MBNL1: variants seen among roughly 807,000 people sequenced by gnomAD.
The protein encoded by MBNL1 is muscleblind-like protein 1.
In MBNL1, 8 loss-of-function variants were observed where a neutral mutation model predicts 42.2. The observed-to-expected ratio is 0.19, with a 90% CI of 0.11 to 0.34. The LOEUF is 0.34. Ranked by LOEUF, MBNL1 falls within the 10% of genes least tolerant of loss-of-function variation. The pLI is 1.00. For missense variants in MBNL1, 309 were observed against 495.3 expected (o/e 0.62, Z 3.57); for synonymous variants, 169 against 173.9 (o/e 0.97, Z 0.22).
intron 2 of MBNL1, among the ~76,000 whole-genome samples, chr3:152,403,996 G>A (rs1464921558): frequency 6.6e-6 from 1 of 152,212 alleles, no homozygotes; most frequent in East Asian, 1.9e-4. Flanking sequence ...CAGCAGTGGT[G>A]AGAACCTTTA....
intron 1 of MBNL1, among the ~76,000 whole-genome samples, chr3:152,276,809 GT>G (rs2045497029): frequency 6.6e-6 from 1 of 152,134 alleles, no homozygotes; most frequent in South Asian, 2.1e-4. Flanking sequence ...CAGGAGTTGT[GT>G]TTTGGTGACA....
chr3:152,454,952 A>G (rs1730691198), intron 6 of MBNL1, among the ~76,000 whole-genome samples: 1 of 152,204 alleles, frequency 6.6e-6, no homozygotes, highest in African/African-American at 2.4e-5. Context: ...CCCTCCAAAT[A>G]CAAATCCTGT....
intron 2 of MBNL1, among the ~76,000 whole-genome samples, chr3:152,311,961 C>T (rs957770578): frequency 3.3e-5 from 5 of 151,346 alleles, no homozygotes; most frequent in Non-Finnish European, 7.4e-5. Context: ...GAGGCCGAGG[C>T]GGGCGGATCA....
At chr3:152,460,030 G>T (rs956102827) in intron 9 of MBNL1, among the ~76,000 whole-genome samples, 4 of 152,006 alleles carry the variant, frequency 2.6e-5, no homozygotes, top group African/African-American at 9.7e-5. Flanking sequence ...AAGGTGGGTG[G>T]ATTGCTTGAG....
intron 1 of MBNL1, among the ~76,000 whole-genome samples, chr3:152,297,109 C>T (rs532038815): frequency 2.0e-5 from 3 of 152,202 alleles, no homozygotes; most frequent in Admixed American, 2.0e-4. Flanking sequence ...ATGTGAGGCA[C>T]TTGAAGATTC....
chr3:152,355,060 T>C (rs1323918413), intron 2 of MBNL1, among the ~76,000 whole-genome samples: 1 of 152,200 alleles, frequency 6.6e-6, no homozygotes, highest in African/African-American at 2.4e-5. Context: ...CCTCCAGAGC[T>C]TGGCATTTTT....
rs1321822743 is a variant in MBNL1 at position 152,465,237 on chromosome 3, A to G, written c.*2871A>G. 1.3e-5 allele frequency: 2 copies of G among 152,232 alleles called. No individual in the cohort carries two copies. Among genetic ancestry groups the G allele is most frequent in the African/African-American group, 2.4e-5 (1 of 41,462 alleles). 9.4% of individuals were successfully genotyped at this position (152,232 alleles called of 1,614,324 possible). ...AGAGAAAGAACTATACTAAGAACATATATTATTCAGATCAGTTTCTGCCAA... is the reference window on the plus strand; with the variant it reads ...AGAGAAAGAACTATACTAAGAACATGTATTATTCAGATCAGTTTCTGCCAA... On this transcript the variant is annotated 3_prime_UTR_variant, in exon 10 of 10. Coordinates refer to ENST00000324210, the MANE Select transcript of MBNL1 (RefSeq NM_021038.5).
At chr3:152,281,131 C>A (rs1310101619) in intron 1 of MBNL1, among the ~76,000 whole-genome samples, 1 of 152,070 alleles carries the variant, frequency 6.6e-6, no homozygotes, top group Non-Finnish European at 1.5e-5. Context: ...CATGTGTGAT[C>A]CCATAGCTCT....
intron 1 of MBNL1, among the ~76,000 whole-genome samples, chr3:152,296,672 TTGTGTGTGTGTGTG>T (rs10564035): frequency 2.0e-5 from 3 of 148,508 alleles, no homozygotes; most frequent in Non-Finnish European, 4.5e-5. Context: ...GAGGCAATGA[TTGTGTGTGTGTGTG>T]TGTGTGTGTG....
chr3:152,393,718 C>G (rs541219033), intron 2 of MBNL1, among the ~76,000 whole-genome samples: 13 of 152,184 alleles, frequency 8.5e-5, no homozygotes, highest in African/African-American at 2.9e-4. Context: ...TAATGATAAG[C>G]AAGTAGATAC....
At chr3:152,311,321 A>G (rs575637558) in intron 2 of MBNL1, among the ~76,000 whole-genome samples, 1 of 152,048 alleles carries the variant, frequency 6.6e-6, no homozygotes, top group African/African-American at 2.4e-5. Context: ...GCATTATTTT[A>G]TAAGAGGCTG....
In MBNL1 at chr3:152,424,714, G is replaced by A. The variant is rs2098883408; in HGVS notation, c.346-8003G>A. Reference sequence around the variant, plus strand: ...CAGTAACCAAAACAGCATAGTACTGGTACCAAAACAGATATATAGACCATT... The same window carrying A: ...CAGTAACCAAAACAGCATAGTACTGATACCAAAACAGATATATAGACCATT... On this transcript the variant is annotated intron_variant, in intron 3 of 9. Coordinates refer to ENST00000324210, the MANE Select transcript of MBNL1 (RefSeq NM_021038.5). 1.3e-5 allele frequency among the ~76,000 whole-genome samples: 2 copies of A among 152,126 alleles called. 1 individual carries two copies. The highest frequency in any genetic ancestry group is 4.1e-4 in the South Asian group (2 of 4,828).
chr3:152,340,884 T>C (rs1296558810), intron 2 of MBNL1: 1 of 1,612,476 alleles, frequency 6.2e-7, no homozygotes, highest in East Asian at 2.2e-5. Context: ...AAGGCACCTG[T>C]GGGCCAGGGT....
chr3:152,427,793 A>AT (rs968606331), intron 3 of MBNL1, among the ~76,000 whole-genome samples: 10 of 150,598 alleles, frequency 6.6e-5, no homozygotes, highest in Non-Finnish European at 1.5e-4. Flanking sequence ...AATTAAAAAA[A>AT]TTTTTTAAAA....
chr3:152,392,444 C>A (rs750957617), intron 2 of MBNL1, among the ~76,000 whole-genome samples: 23 of 152,120 alleles, frequency 1.5e-4, no homozygotes, highest in Non-Finnish European at 2.6e-4. Context: ...TTTTTAAAAA[C>A]TCAAAAAATG....
chr3:152,442,560 A>G (rs1399464745), intron 4 of MBNL1, among the ~76,000 whole-genome samples: 1 of 152,194 alleles, frequency 6.6e-6, no homozygotes, highest in Non-Finnish European at 1.5e-5. Flanking sequence ...TAATTATGAG[A>G]TTAAATTTGT....
At chr3:152,351,073 A>T (rs984649289) in intron 2 of MBNL1, among the ~76,000 whole-genome samples, 1 of 151,364 alleles carries the variant, frequency 6.6e-6, no homozygotes, top group Non-Finnish European at 1.5e-5. Context: ...ATTATTATGT[A>T]TCAGACTTTT....
chr3:152,375,730 G>T (rs1367351239), intron 2 of MBNL1, among the ~76,000 whole-genome samples: 1 of 151,808 alleles, frequency 6.6e-6, no homozygotes, highest in South Asian at 2.1e-4. Context: ...GAGGTGGGGG[G>T]ATTGCTTAAG....
intron 2 of MBNL1, among the ~76,000 whole-genome samples, chr3:152,333,186 A>G (rs1190698425): frequency 6.6e-6 from 1 of 152,220 alleles, no homozygotes; most frequent in Non-Finnish European, 1.5e-5. Context: ...AATGACAGAT[A>G]CAGTGATGGT....
Sources: gnomAD v4.1 joint callset for allele counts (sites outside exome capture counted in the v4.1 genomes callset) on GRCh38, gnomAD v4.1.1 for gene constraint, MANE v1.5 for transcripts, NCBI Gene and HGNC (gene_info 2026-07-23, HGNC 2026-07-21) for gene names.